CENPK: variants seen among roughly 807,000 people sequenced by gnomAD.
The protein encoded by CENPK is SoxLZ/Sox6-binding protein Solt.
A neutral mutation model predicts 40.9 loss-of-function variants in CENPK; 46 were observed. The ratio of observed to expected loss-of-function variants is 1.13; its 90% confidence interval spans 0.89 to 1.44. CENPK has a LOEUF of 1.44. Among genes scored for constraint, CENPK ranks in the 40% most tolerant of loss-of-function variants. The probability of loss-of-function intolerance (pLI) is 0.00; values close to 1 mark genes in which losing one functional copy is unlikely to be tolerated. For synonymous variants in CENPK, 107 were observed against 104.4 expected (o/e 1.02, Z -0.15); for missense variants, 288 against 303.5 (o/e 0.95, Z 0.38).
chr5:65,529,219 A>G lies in CENPK; in HGVS notation c.289-20T>C. ...TTGGAACTAGAATAAAATAATTCAA[A>G]TTAATTGCTTGGTCTTTAATCCCAG... is the stretch of plus-strand genomic sequence containing the variant. On this transcript the variant is annotated intron_variant, in intron 6 of 10. Transcript: ENST00000396679. The G allele has an allele frequency of 6.6e-7, 1 of 1,516,456 alleles. No homozygotes were observed. The highest frequency in any genetic ancestry group is 9.1e-7 in the Non-Finnish European group (1 of 1,098,064). The allele number at this position is 1,516,456 out of a possible 1,614,324, so 93.9% of individuals were successfully genotyped here.
In CENPK at chr5:65,540,568, T is replaced by C. The variant is rs951039352; in HGVS notation, c.288+2234A>G. ...CTTTCAGCACCACCCCTGAAAACTC[T>C]GGGAAGGGAGAAGAACTGAGAGTTA... On this transcript the variant is annotated intron_variant, in intron 6 of 10. Transcript: ENST00000396679. 7.2e-5 allele frequency among the ~76,000 whole-genome samples: 11 copies of C among 152,206 alleles called. No homozygotes were observed. The East Asian group carries it at 1.9e-3, about 27-fold the overall frequency.
chr5:65,537,752 A>G (rs1747219931), intron 6 of CENPK, among the ~76,000 whole-genome samples: 2 of 151,628 alleles, frequency 1.3e-5, no homozygotes, highest in African/African-American at 4.9e-5. Flanking sequence ...TCTCCACTTC[A>G]TTTCTTTTTA....
intron 5 of CENPK, among the ~76,000 whole-genome samples, chr5:65,544,796 T>C (rs1186415290): frequency 1.3e-5 from 2 of 152,136 alleles, no homozygotes; most frequent in East Asian, 3.8e-4. Flanking sequence ...ACAAATACTA[T>C]ATGATTCCAT....
chr5:65,543,167 T>C (rs1340065846), intron 5 of CENPK, among the ~76,000 whole-genome samples: 1 of 152,202 alleles, frequency 6.6e-6, no homozygotes, highest in Non-Finnish European at 1.5e-5. Context: ...TTTCATCATG[T>C]TGGCCAAGCC....
At chr5:65,523,780 T>C (rs1013670998) in intron 9 of CENPK, among the ~76,000 whole-genome samples, 2 of 152,084 alleles carry the variant, frequency 1.3e-5, no homozygotes, top group African/African-American at 2.4e-5. Flanking sequence ...ATAACCAACA[T>C]TGTGAAATAT....
the CENPK span, among the ~76,000 whole-genome samples, chr5:65,509,393 A>C: frequency 6.6e-6 from 1 of 152,196 alleles, no homozygotes; most frequent in African/African-American, 2.4e-5. Context: ...ATCATATAGT[A>C]TATAGCATTT....
chr5:65,555,148 T>C (rs776966684), intron 2 of CENPK: 1 of 284,648 alleles, frequency 3.5e-6, no homozygotes, highest in South Asian at 8.0e-5. Flanking sequence ...AAATGATTTA[T>C]AAGTGCCATG....
At chr5:65,498,870 C>A in the CENPK span, among the ~76,000 whole-genome samples, 1 of 152,062 alleles carries the variant, frequency 6.6e-6, no homozygotes, top group Non-Finnish European at 1.5e-5. Context: ...CCAGACTGGT[C>A]TTGAGAACAG....
At chr5:65,556,380 C>A (rs907065115) in intron 2 of CENPK, among the ~76,000 whole-genome samples, 2 of 152,010 alleles carry the variant, frequency 1.3e-5, no homozygotes, top group Non-Finnish European at 2.9e-5. Flanking sequence ...GAGGCAGGGG[C>A]AGGAAGATCG....
At chr5:65,543,833 A>G (rs1748415344) in intron 5 of CENPK, among the ~76,000 whole-genome samples, 1 of 152,252 alleles carries the variant, frequency 6.6e-6, no homozygotes, top group South Asian at 2.1e-4. Flanking sequence ...ATCTGAATAG[A>G]GAATGTCAGC....
At chr5:65,507,903 C>T in the CENPK span, among the ~76,000 whole-genome samples, 1 of 152,202 alleles carries the variant, frequency 6.6e-6, no homozygotes, top group Non-Finnish European at 1.5e-5. Flanking sequence ...TTCAAGAGTA[C>T]TGGCAAGTTA....
chr5:65,496,049 A>G, the CENPK span, among the ~76,000 whole-genome samples: 98,311 of 151,964 alleles, frequency 0.65, 32,219 homozygotes, highest in African/African-American at 0.72. Flanking sequence ...TTGAGCCCAG[A>G]AGTTTTAGAC....
chr5:65,522,464 T>C (rs1743944332), intron 9 of CENPK, among the ~76,000 whole-genome samples: 2 of 152,184 alleles, frequency 1.3e-5, no homozygotes, highest in Non-Finnish European at 2.9e-5. Flanking sequence ...GGTCTCACTC[T>C]GTCACCCAGG....
intron 5 of CENPK, among the ~76,000 whole-genome samples, chr5:65,544,915 G>C (rs1748625210): frequency 6.6e-6 from 1 of 152,150 alleles, no homozygotes; most frequent in South Asian, 2.1e-4. Context: ...TAGAGTTTCA[G>C]ATTTGCAAGA....
intron 6 of CENPK, among the ~76,000 whole-genome samples, chr5:65,531,124 C>T (rs779359861): frequency 2.6e-5 from 4 of 152,116 alleles, no homozygotes; most frequent in Non-Finnish European, 4.4e-5. Flanking sequence ...AACACTGCAC[C>T]CAGCCTGGGC....
intron 9 of CENPK, among the ~76,000 whole-genome samples, chr5:65,527,923 A>G (rs952516109): frequency 1.3e-5 from 2 of 152,284 alleles, no homozygotes; most frequent in Admixed American, 6.5e-5. Flanking sequence ...CATCATATGG[A>G]TATAACATAA....
At chr5:65,542,339 T>C (rs1274022281) in intron 6 of CENPK, among the ~76,000 whole-genome samples, 1 of 152,188 alleles carries the variant, frequency 6.6e-6, no homozygotes, top group Non-Finnish European at 1.5e-5. Context: ...AAAACCGAGT[T>C]CAAAATTCAA....
At chr5:65,556,140 A>T (rs1026708562) in intron 2 of CENPK, among the ~76,000 whole-genome samples, 1 of 152,210 alleles carries the variant, frequency 6.6e-6, no homozygotes, top group African/African-American at 2.4e-5. Flanking sequence ...AGAAATTAAA[A>T]AAGTAAAAAA....
chr5:65,545,378 ACACG>A (rs1440417454), intron 5 of CENPK, among the ~76,000 whole-genome samples: 4 of 133,538 alleles, frequency 3.0e-5, no homozygotes, highest in South Asian at 2.4e-4. Context: ...ACACACACAC[ACACG>A]CCTTCTCTAT....
Sources: gnomAD v4.1 joint callset for allele counts (sites outside exome capture counted in the v4.1 genomes callset) on GRCh38, gnomAD v4.1.1 for gene constraint, MANE v1.5 for transcripts, NCBI Gene and HGNC (gene_info 2026-07-23, HGNC 2026-07-21) for gene names.